Variants in HMCN2 observed in about 807,000 individuals in gnomAD.
HMCN2 encodes hemicentin 2.
HMCN2 carries 325 observed loss-of-function variants against 377.5 expected under a neutral mutation model. The ratio of observed to expected loss-of-function variants is 0.86; its 90% confidence interval spans 0.79 to 0.94. HMCN2 has a LOEUF of 0.94. HMCN2 is among the 40% of genes least tolerant of loss of function. The pLI, the probability that HMCN2 is intolerant of heterozygous loss-of-function variation, is 0.00. For missense variants in HMCN2, 4,543 were observed against 4,725.3 expected (o/e 0.96, Z 1.13); for synonymous variants, 2,007 against 2,046.8 (o/e 0.98, Z 0.53).
intron 22 of HMCN2, among the ~76,000 whole-genome samples, chr9:130,336,958 G>C (rs1244180364): frequency 1.3e-5 from 2 of 152,144 alleles, no homozygotes; most frequent in African/African-American, 4.8e-5. Flanking sequence ...GTGGGGGCCA[G>C]GCATCCCGGG....
Position 130,308,061 on chromosome 9 carries a change from A to G in HMCN2, c.2200+495A>G, listed in dbSNP as rs1404569983. On this transcript the variant is annotated intron_variant, in intron 14 of 97. Transcript: ENST00000683500. The surrounding 1 kb of genome is among the most constrained non-coding windows in gnomAD (Gnocchi z 4.1). ...AGCCTCCACCTCCTGGGTTCAAGGG[A>G]TTCTCGTGCCTCAGCCTCTGGAGTA... is the stretch of plus-strand genomic sequence containing the variant. Among the ~76,000 whole-genome samples the G allele has an allele frequency of 6.6e-6, 1 of 151,808 alleles. No homozygotes were observed. Among genetic ancestry groups the G allele is most frequent in the Non-Finnish European group, 1.5e-5 (1 of 67,980 alleles).
In HMCN2 at chr9:130,354,768, C is replaced by G. The variant is rs1839930333; in HGVS notation, c.4870C>G (p.Pro1624Ala). Residue 1624 changes from proline to alanine, a missense_variant, in exon 32 of 98, where the codon CCT becomes GCT. Coordinates refer to ENST00000683500, the MANE Select transcript of HMCN2 (RefSeq NM_001291815.2). ...KATRLDVYVPPTIEGAGGRPY... is the reference protein window; with the variant it reads ...KATRLDVYVPATIEGAGGRPY... The stretch of plus-strand genomic sequence containing the variant: ...GCCCCCTGCCTCTTTTCCAGTCCCA[C>G]CTACCATCGAGGGCGCCGGTGGAAG... 2.3e-6 allele frequency: 3 copies of G among 1,298,980 alleles called. No homozygotes were observed. The highest frequency in any genetic ancestry group is 3.0e-6 in the Non-Finnish European group (3 of 985,188). The allele number at this position is 1,298,980 out of a possible 1,614,324, so 80.5% of individuals were successfully genotyped here.
chr9:130,403,741 G>A lies in HMCN2; in HGVS notation c.12014G>A (p.Gly4005Glu), dbSNP rs528957511. Residue 4005 changes from glycine (G) to glutamate (E), a missense_variant and splice_region_variant, in exon 80 of 98, where the codon GGA becomes GAA. Gly to Glu is a moderately conservative substitution (Grantham distance 98). Transcript: ENST00000683500. ...CCCGATTTTCTTCTTCCTCGTTCAG[G>A]AGTGAGTACCCAGGTCCTACCAGGC... Reference protein sequence around the residue: ...WQKEGLNVATGVSTQVLPGGQ... With the variant: ...WQKEGLNVATEVSTQVLPGGQ... The A allele has an allele frequency of 3.6e-5, 47 of 1,289,662 alleles. No individual in the cohort carries two copies. In the African/African-American group the frequency reaches 6.2e-4, roughly 17 times the overall value. The allele number at this position is 1,289,662 out of a possible 1,614,324, so 79.9% of individuals were successfully genotyped here.
chr9:130,428,444 G>C lies in HMCN2; in HGVS notation c.14152G>C (p.Asp4718His). Residue 4718 changes from aspartate to histidine, a missense_variant, in exon 93 of 98, where the codon GAC becomes CAC. Asp to His is a moderately conservative substitution (Grantham distance 81, BLOSUM62 -1). Transcript: ENST00000683500. This position sits in a 1 kb window ranked among gnomAD's most constrained non-coding sequence, Gnocchi z 5.0. ...GCTCGGGTCCTACCGCTGCCTCCCC[G>C]ACTGTGGGCCTGGCTTCCGGGTGGC... ...NLLGSYRCLP[D>H]CGPGFRVADG... is the part of the protein sequence containing the mutation. 2 of 1,545,532 alleles carry C rather than the reference G, an allele frequency of 1.3e-6. No individual in the cohort carries two copies. The highest frequency in any genetic ancestry group is 2.7e-5 in the African/African-American group (2 of 73,168).
At chr9:130,293,303 G>GTTTTT (rs1588186458) in intron 4 of HMCN2, among the ~76,000 whole-genome samples, 2 of 77,290 alleles carry the variant, frequency 2.6e-5, no homozygotes, top group South Asian at 4.7e-4. Flanking sequence ...TTTTTTTTGC[G>GTTTTT]GTTCTTGTTG....
intron 15 of HMCN2, among the ~76,000 whole-genome samples, chr9:130,318,080 T>C (rs1163704508): frequency 1.3e-5 from 2 of 152,208 alleles, no homozygotes; most frequent in Non-Finnish European, 2.9e-5. Flanking sequence ...AAAGGCTTTC[T>C]GGGATTCTGG....
In HMCN2 at chr9:130,304,673, G is replaced by A. The variant is rs554498625; in HGVS notation, c.1544-57G>A. ...TTCTGGGCAGCACCAGGGCTTGCAC[G>A]ATGACCCCCTCCCTTGCCTCAGCTC... On this transcript the variant is annotated intron_variant, in intron 10 of 97. Coordinates refer to ENST00000683500, the MANE Select transcript of HMCN2 (RefSeq NM_001291815.2). The surrounding 1 kb of genome is among the most constrained non-coding windows in gnomAD (Gnocchi z 4.3). 1.4e-4 allele frequency: 59 copies of A among 418,960 alleles called. No individual in the cohort carries two copies. The highest frequency in any genetic ancestry group is 8.7e-4 in the African/African-American group (43 of 49,444). The allele number at this position is 418,960 out of a possible 1,614,324, so 26.0% of individuals were successfully genotyped here. A position where few individuals can be genotyped will look rare whatever the true frequency, so the allele number is the denominator to read the frequency against.
At chr9:130,427,650 C>A in intron 92 of HMCN2, 31 bp downstream of exon 92, 1 of 1,540,944 alleles carries the variant, frequency 6.5e-7, no homozygotes, top group Non-Finnish European at 8.7e-7. Flanking sequence ...AGGGAGGAGA[C>A]GCGCTCCTCA....
Position 130,423,171 on chromosome 9 carries a change from A to G in HMCN2, c.13381+445A>G, listed in dbSNP as rs1844118500. ...GGAAACATGGAGAATTGAATTGCCT[A>G]GAAAACCTAGAGGACTAAGAAGAGT... On this transcript the variant is annotated intron_variant, in intron 87 of 97. Transcript: ENST00000683500. This position sits in a 1 kb window ranked among gnomAD's most constrained non-coding sequence, Gnocchi z 5.5. Among the ~76,000 whole-genome samples, 1 of 152,186 alleles carries G rather than the reference A, an allele frequency of 6.6e-6. No homozygotes were observed. Among genetic ancestry groups the G allele is most frequent in the Non-Finnish European group, 1.5e-5 (1 of 68,026 alleles).
chr9:130,406,224 A>G, intron 82 of HMCN2, 56 bp downstream of exon 82: 1 of 1,270,086 alleles, frequency 7.9e-7, no homozygotes, highest in Non-Finnish European at 1.0e-6. Flanking sequence ...GGAGGTTAAG[A>G]AGGGAGGGCA....
Position 130,374,654 on chromosome 9 carries a change from GT to G in HMCN2, c.7593del (p.Glu2533ArgfsTer28). Reference sequence around the variant, plus strand: ...CTACTCCTGCATTGCAGCCAACGCTGTTGGGGAGAAGACCAAACACTTCCAG... The same window carrying G: ...CTACTCCTGCATTGCAGCCAACGCTGTGGGGAGAAGACCAAACACTTCCAG... ...GHYSCIAANA[V>X]GEKTKHFQLS... On this transcript the variant is annotated frameshift_variant, in exon 49 of 98. Transcript: ENST00000683500. LOFTEE classifies it high-confidence loss of function. 1.0e-6 allele frequency: 1 copy of G among 985,834 alleles called. No homozygotes were observed. Among genetic ancestry groups the G allele is most frequent in the Non-Finnish European group, 1.2e-6 (1 of 829,946 alleles). 61.1% of individuals were successfully genotyped at this position (985,834 alleles called of 1,614,324 possible).
rs1842935328 is a variant in HMCN2 at position 130,403,205 on chromosome 9, G to T, written c.11890G>T (p.Val3964Leu). ...VFLTVQASPVVKPLPSVVRAV... is the reference protein window; with the variant it reads ...VFLTVQASPVLKPLPSVVRAV... ...CCCGTCCTTTGTAGCCTCCCCGGTG[G>T]TGAAGCCGCTGCCCAGCGTGGTTCG... Residue 3964 changes from valine (V) to leucine (L), a missense_variant, in exon 79 of 98, where the codon GTG (valine) becomes TTG (leucine). By Grantham distance (32) the Val-to-Leu change is conservative. Transcript: ENST00000683500. The T allele has an allele frequency of 2.3e-6, 3 of 1,289,238 alleles. No homozygotes were observed. The highest frequency in any genetic ancestry group is 3.0e-6 in the Non-Finnish European group (3 of 988,592). The allele number at this position is 1,289,238 out of a possible 1,614,324, so 79.9% of individuals were successfully genotyped here. A position where few individuals can be genotyped will look rare whatever the true frequency, so the allele number is the denominator to read the frequency against.
At position 130,384,384 on chromosome 9, in the gene HMCN2, A is replaced by G; in HGVS notation, c.8842A>G (p.Ile2948Val). ...GGCTGTGGGGATAGTCCCGCCACGA[A>G]TCGCAGGCCTGGACTTGGAGCAGGT... ...FTLRVQVPPR[I>V]AGLDLEQVTA... The change falls in exon 58 of 98, where the codon ATC becomes GTC. Residue 2948 changes from isoleucine to valine, a missense_variant. By Grantham distance (29) the Ile-to-Val change is conservative. This residue lies in a region of HMCN2 where 736 missense variants were observed against 773.2 expected (regional missense o/e 0.95). Coordinates refer to ENST00000683500, the MANE Select transcript of HMCN2 (RefSeq NM_001291815.2). 6.2e-6 allele frequency: 8 copies of G among 1,298,630 alleles called. No homozygotes were observed. In the Middle Eastern group the frequency reaches 1.7e-3, roughly 268 times the overall value. The allele number at this position is 1,298,630 out of a possible 1,614,324, so 80.4% of individuals were successfully genotyped here.
At chr9:130,413,279 C>G (rs774346275) in intron 85 of HMCN2, among the ~76,000 whole-genome samples, 4 of 152,174 alleles carry the variant, frequency 2.6e-5, no homozygotes, top group Non-Finnish European at 5.9e-5. Context: ...TGGTTGGACC[C>G]TCTGGTACAC....
At position 130,430,435 on chromosome 9, in the gene HMCN2, C is replaced by A. The variant is rs1484536710; in HGVS notation, c.14478C>A (p.Thr4826=). ...TGGAGCGGAATGGACAAAATGTGAC[C>A]ACCGTCAGCCACCGAGGCCCTCTAT... ...TSLERNGQNV[T]TVSHRGPLLP... is the part of the protein sequence containing the mutation. Residue 4826 remains threonine, a synonymous_variant, in exon 95 of 98, where the codon ACC becomes ACA. Transcript: ENST00000683500. 2 of 1,550,512 alleles carry A rather than the reference C, an allele frequency of 1.3e-6. No homozygotes were observed. Among genetic ancestry groups the A allele is most frequent in the Non-Finnish European group, 1.7e-6 (2 of 1,146,958 alleles).
chr9:130,318,620 T>G (rs1165877397), intron 15 of HMCN2, among the ~76,000 whole-genome samples: 2 of 152,172 alleles, frequency 1.3e-5, no homozygotes, highest in Non-Finnish European at 2.9e-5. Context: ...GCGTGGGATT[T>G]GGGGTGTGTG....
In HMCN2 at chr9:130,285,025, A is replaced by C. The variant is rs147541302; in HGVS notation, c.331-133A>C. On this transcript the variant is annotated intron_variant, in intron 2 of 97. Transcript: ENST00000683500. ...TTGGATGTTATATCGTGTCTCCGGG[A>C]AGAAAGTGACTGGGTGGGCAGGAGG... is the stretch of plus-strand genomic sequence containing the variant. The C allele has an allele frequency of 3.3e-4, 124 of 378,808 alleles. 1 individual carries two copies. Among genetic ancestry groups the C allele is most frequent in the African/African-American group, 1.7e-3 (80 of 47,392 alleles). 23.5% of individuals were successfully genotyped at this position (378,808 alleles called of 1,614,324 possible).
Position 130,399,604 on chromosome 9 carries a change from C to T in HMCN2, c.11577C>T (p.Ala3859=). The T allele has an allele frequency of 7.8e-7, 1 of 1,289,808 alleles. No individual in the cohort carries two copies. Among genetic ancestry groups the T allele is most frequent in the Non-Finnish European group, 1.0e-6 (1 of 988,810 alleles). 79.9% of individuals were successfully genotyped at this position (1,289,808 alleles called of 1,614,324 possible). Residue 3859 remains alanine (A), a synonymous_variant, in exon 76 of 98, where the codon GCC becomes GCT. Coordinates refer to ENST00000683500, the MANE Select transcript of HMCN2 (RefSeq NM_001291815.2). ...TGGTGAGCAATGAGGTGGGCGAGGC[C>T]CACAGGCTCTACCAGGTGACCGTCC... ...ECVVSNEVGE[A]HRLYQVTVHV...
rs1841128341 is a variant in HMCN2 at position 130,373,110 on chromosome 9, T to C, written c.7424T>C (p.Met2475Thr). 1.0e-6 allele frequency: 1 copy of C among 983,442 alleles called. No individual in the cohort carries two copies. Among genetic ancestry groups the C allele is most frequent in the South Asian group, 4.7e-5 (1 of 21,222 alleles). 60.9% of individuals were successfully genotyped at this position (983,442 alleles called of 1,614,324 possible). ...KVLDGQTAHL[M>T]CNVTGHPQPK... ...CTTGATGGACAGACTGCCCATCTTA[T>C]GTGCAACGTCACAGGTAAGGGCCAC... Residue 2475 changes from methionine (M) to threonine (T), a missense_variant, in exon 48 of 98, where the codon ATG (methionine) becomes ACG (threonine). This residue lies in a region of HMCN2 where 1,032 missense variants were observed against 1,285.1 expected (regional missense o/e 0.80). Transcript: ENST00000683500.
Sources: gnomAD v4.1 joint callset for allele counts (sites outside exome capture counted in the v4.1 genomes callset) on GRCh38, gnomAD v4.1.1 for gene constraint, gnomAD v4.1.1 regional missense constraint, Gnocchi (gnomAD v3.1) non-coding constraint, MANE v1.5 for transcripts, NCBI Gene and HGNC (gene_info 2026-07-23, HGNC 2026-07-21) for gene names.